The following CYP2C18 variants were observed in gnomAD, a reference collection of about 807,000 sequenced individuals.
CYP2C18 encodes cytochrome P450 family 2 subfamily C member 18, also known as cytochrome P450 2C18.
A neutral mutation model predicts 41.3 loss-of-function variants in CYP2C18; 38 were observed. The observed-to-expected ratio is 0.92, with a 90% CI of 0.71 to 1.21. The LOEUF is 1.21. CYP2C18 is among the 50% of genes most tolerant of loss of function. The pLI is 0.00. For synonymous variants in CYP2C18, 236 were observed against 210.0 expected (o/e 1.12, Z -1.07); for missense variants, 635 against 591.4 (o/e 1.07, Z -0.77).
intron 5 of CYP2C18, among the ~76,000 whole-genome samples, chr10:94,711,220 C>T (rs1343912874): frequency 1.3e-5 from 2 of 152,098 alleles, no homozygotes; most frequent in African/African-American, 4.8e-5. Flanking sequence ...TTTCTATATT[C>T]TTATTCATTC....
chr10:94,703,209 G>T (rs1384145899), intron 4 of CYP2C18, among the ~76,000 whole-genome samples: 1 of 152,188 alleles, frequency 6.6e-6, no homozygotes, highest in East Asian at 1.9e-4. Context: ...GGAGGCTCAG[G>T]GGTCAGGGAC....
chr10:94,716,002 T>C (rs1483094763), intron 5 of CYP2C18, among the ~76,000 whole-genome samples: 1 of 152,216 alleles, frequency 6.6e-6, no homozygotes, highest in South Asian at 2.1e-4. Context: ...TGATGGTAGT[T>C]TGCATTTCTG....
At chr10:94,689,939 C>G (rs1846965381) in intron 3 of CYP2C18, among the ~76,000 whole-genome samples, 1 of 152,042 alleles carries the variant, frequency 6.6e-6, no homozygotes, top group African/African-American at 2.4e-5. Context: ...CTCAGTCTAC[C>G]CTCCCTATCT....
chr10:94,714,502 A>G (rs561303730), intron 5 of CYP2C18, among the ~76,000 whole-genome samples: 54 of 152,154 alleles, frequency 3.5e-4, no homozygotes, highest in Non-Finnish European at 6.6e-4. Context: ...GTGCGGTATT[A>G]TTTCTGATGG....
chr10:94,708,409 G>T (rs1847379626), intron 5 of CYP2C18, among the ~76,000 whole-genome samples: 2 of 152,016 alleles, frequency 1.3e-5, no homozygotes, highest in Admixed American at 6.6e-5. Flanking sequence ...CATTTAGGGG[G>T]GTTTCCTTAA....
intron 3 of CYP2C18, among the ~76,000 whole-genome samples, chr10:94,694,579 G>A (rs1439293549): frequency 6.6e-6 from 1 of 152,124 alleles, no homozygotes; most frequent in African/African-American, 2.4e-5. Flanking sequence ...TTGCACTGAT[G>A]ACCTGAATTA....
chr10:94,724,607 T>C, intron 7 of CYP2C18, 74 bp downstream of exon 7: 1 of 1,328,552 alleles, frequency 7.5e-7, no homozygotes, highest in Non-Finnish European at 1.1e-6. Context: ...CCCAATCCTC[T>C]AACAACACAT....
chr10:94,708,832 G>A (rs1847386023), intron 5 of CYP2C18, among the ~76,000 whole-genome samples: 1 of 152,188 alleles, frequency 6.6e-6, no homozygotes, highest in African/African-American at 2.4e-5. Context: ...TACACAGTAT[G>A]TGGTCTTTGT....
intron 7 of CYP2C18, among the ~76,000 whole-genome samples, chr10:94,726,279 A>T (rs1253835655): frequency 2.0e-5 from 3 of 151,996 alleles, no homozygotes; most frequent in African/African-American, 7.2e-5. Context: ...TACACGTGCC[A>T]TGGTGGTTCG....
intron 7 of CYP2C18, among the ~76,000 whole-genome samples, chr10:94,731,992 TTAAAC>T (rs1483381077): frequency 6.6e-6 from 1 of 151,920 alleles, no homozygotes; most frequent in South Asian, 2.1e-4. Context: ...TAGTTACAAA[TTAAAC>T]TAAAGAGCTT....
intron 3 of CYP2C18, among the ~76,000 whole-genome samples, chr10:94,693,696 A>C (rs1277136364): frequency 1.3e-5 from 2 of 152,212 alleles, no homozygotes; most frequent in Non-Finnish European, 2.9e-5. Context: ...GGCATGTTTC[A>C]GCTGAAAAGA....
chr10:94,704,895 T>C (rs1338806196), intron 4 of CYP2C18, among the ~76,000 whole-genome samples: 1 of 152,204 alleles, frequency 6.6e-6, no homozygotes, highest in Non-Finnish European at 1.5e-5. Context: ...AGGAGATTTT[T>C]GAGAAATGTC....
rs1415303065 is a variant in CYP2C18, at chr10:94,735,331, C to T, written c.1360C>T (p.Gln454Ter). The T allele has an allele frequency of 6.2e-7, 1 of 1,613,756 alleles. No homozygotes were observed. The highest frequency in any genetic ancestry group is 1.1e-5 in the South Asian group (1 of 91,078). The change falls in exon 9 of 9, where the codon CAG becomes TAG. Residue 454 changes from glutamine (Q) to a stop codon, truncating the protein, a stop_gained. Transcript: ENST00000285979. LOFTEE classifies it low-confidence loss of function (END_TRUNC). ...ELFLFLTTIL[Q>*]NFNLKSQVDP... is the part of the protein sequence containing the mutation. ...GTTTTTATTCCTGACCACCATTTTG[C>T]AGAACTTTAACCTGAAATCTCAGGT...
At chr10:94,721,977 G>C (rs1037073710) in intron 6 of CYP2C18, among the ~76,000 whole-genome samples, 7 of 152,116 alleles carry the variant, frequency 4.6e-5, no homozygotes, top group Non-Finnish European at 1.0e-4. Context: ...TATGAATGCA[G>C]ATGTCTTTTC....
intron 4 of CYP2C18, among the ~76,000 whole-genome samples, chr10:94,695,915 G>T (rs1209525005): frequency 1.3e-5 from 2 of 152,128 alleles, no homozygotes; most frequent in Non-Finnish European, 2.9e-5. Context: ...CAAACTGCAA[G>T]ATGGCAATGA....
rs1230973958 is a variant in CYP2C18 at position 94,724,435 on chromosome 10, G to A, written c.1051G>A (p.Val351Met). The A allele has an allele frequency of 6.2e-7, 1 of 1,613,574 alleles. No homozygotes were observed. Among genetic ancestry groups the A allele is most frequent in the Non-Finnish European group, 8.5e-7 (1 of 1,179,720 alleles). ...DRSHMPYTDA[V>M]VHEIQRYIDL... ...GAGTCACATGCCCTACACAGATGCT[G>A]TGGTGCACGAGATCCAGAGATACAT... Residue 351 changes from valine (V) to methionine (M), a missense_variant, in exon 7 of 9, where the codon GTG (valine) becomes ATG (methionine). Physicochemically the swap from Val to Met is conservative, Grantham distance 21. Coordinates refer to ENST00000285979, the MANE Select transcript of CYP2C18 (RefSeq NM_000772.3).
chr10:94,687,758 T>C lies in CYP2C18; in HGVS notation c.169-12T>C. The C allele has an allele frequency of 6.2e-7, 1 of 1,607,554 alleles. No individual in the cohort carries two copies. The highest frequency in any genetic ancestry group is 8.5e-7 in the Non-Finnish European group (1 of 1,177,458). On this transcript the variant is annotated splice_polypyrimidine_tract_variant and intron_variant, in intron 1 of 8. Coordinates refer to ENST00000285979, the MANE Select transcript of CYP2C18 (RefSeq NM_000772.3). ...GTTTTGCTACTATTTGAACCTCCTT[T>C]TCTATGTTTAGTTCTCAAAAGTCTA...
At chr10:94,685,342 C>T (rs1036184378) in intron 1 of CYP2C18, among the ~76,000 whole-genome samples, 5 of 151,966 alleles carry the variant, frequency 3.3e-5, no homozygotes, top group South Asian at 2.1e-4. Context: ...CCCCTTTGCT[C>T]GTTTTAAATA....
chr10:94,691,176 A>T (rs1367066230), intron 3 of CYP2C18, among the ~76,000 whole-genome samples: 1 of 152,204 alleles, frequency 6.6e-6, no homozygotes, highest in African/African-American at 2.4e-5. Context: ...TGGACAGGGC[A>T]ATCAGGCAGG....
Sources: gnomAD v4.1 joint callset for allele counts (sites outside exome capture counted in the v4.1 genomes callset) on GRCh38, gnomAD v4.1.1 for gene constraint, MANE v1.5 for transcripts, NCBI Gene and HGNC (gene_info 2026-07-23, HGNC 2026-07-21) for gene names.